SYT16: variants seen among roughly 807,000 people sequenced by gnomAD.
SYT16 encodes synaptotagmin 16.
Under a neutral mutation model 61.4 loss-of-function variants are expected in SYT16, and 42 were observed. The observed-to-expected ratio is 0.68, with a 90% CI of 0.53 to 0.89. The LOEUF is 0.89. SYT16 is among the 40% of genes least tolerant of loss of function. The pLI is 0.00. For missense variants in SYT16, 804 were observed against 807.3 expected, an observed-to-expected ratio of 1.00 and a Z score of 0.05; for synonymous variants, 314 against 302.3, an observed-to-expected ratio of 1.04 and a Z score of -0.40.
rs7156958 is a variant in SYT16, at chr14:61,856,849, G to A, written c.-325+44039G>A. ...CATGTGGCCAAGGACCCAGAGTTTA[G>A]GGAGGAAGACCTAGCAGGGATGAGA... On this transcript the variant is annotated intron_variant, in intron 1 of 7. Coordinates refer to ENST00000683842, the MANE Select transcript of SYT16 (RefSeq NM_001367656.1). Among the ~76,000 whole-genome samples, 1,302 of 152,232 alleles carry A rather than the reference G, an allele frequency of 8.6e-3. 24 individuals are homozygous for A. The highest frequency in any genetic ancestry group is 0.029 in the African/African-American group (1,219 of 41,506).
rs147358908 is a variant in SYT16, at chr14:61,954,641, T to C, written c.-324-15491T>C. 3.9e-5 allele frequency among the ~76,000 whole-genome samples: 6 copies of C among 152,322 alleles called. No individual in the cohort carries two copies. In the East Asian group the frequency reaches 1.2e-3, roughly 29 times the overall value. Reference sequence around the variant, plus strand: ...CCCTTGTCATCTATAGCAGATGATATATATACTGCTTTTCTTCACTATAGC... The same window carrying C: ...CCCTTGTCATCTATAGCAGATGATACATATACTGCTTTTCTTCACTATAGC... On this transcript the variant is annotated intron_variant, in intron 1 of 7. Coordinates refer to ENST00000683842, the MANE Select transcript of SYT16 (RefSeq NM_001367656.1).
intron 1 of SYT16, among the ~76,000 whole-genome samples, chr14:61,846,218 G>T (rs2046442376): frequency 6.6e-6 from 1 of 152,184 alleles, no homozygotes; most frequent in African/African-American, 2.4e-5. Context: ...TTTCTGTCTG[G>T]AAGATCTGTC....
In SYT16 at chr14:62,084,365, TCG is replaced by T; in HGVS notation, c.1606_1607del (p.Ala536CysfsTer2). ...ATCAAAGGCAGCCATTTCCGAAACC[TCG>T]CTGTTAACCGAGCACCTGGTAAGTG... On this transcript the variant is annotated frameshift_variant, in exon 7 of 8. Coordinates refer to ENST00000683842, the MANE Select transcript of SYT16 (RefSeq NM_001367656.1). LOFTEE classifies it high-confidence loss of function. The T allele has an allele frequency of 6.2e-7, 1 of 1,612,382 alleles. No individual in the cohort carries two copies. The highest frequency in any genetic ancestry group is 8.5e-7 in the Non-Finnish European group (1 of 1,179,712).
At chr14:61,868,239 C>T (rs1185036229) in intron 1 of SYT16, among the ~76,000 whole-genome samples, 1 of 151,688 alleles carries the variant, frequency 6.6e-6, no homozygotes, top group Middle Eastern at 3.2e-3. Context: ...TTTTTTTAAT[C>T]TTAATCAGTG....
chr14:61,992,460 T>C (rs1032978484), intron 2 of SYT16, among the ~76,000 whole-genome samples: 1 of 152,110 alleles, frequency 6.6e-6, no homozygotes, highest in Non-Finnish European at 1.5e-5. Flanking sequence ...GCTGTTGTCC[T>C]GAAATTAGTT....
chr14:61,992,865 A>C (rs1419974238), intron 2 of SYT16, among the ~76,000 whole-genome samples: 3 of 152,176 alleles, frequency 2.0e-5, no homozygotes, highest in Non-Finnish European at 4.4e-5. Context: ...AACATAAATG[A>C]GTAGTGATTT....
intron 1 of SYT16, among the ~76,000 whole-genome samples, chr14:61,955,634 G>A (rs1188274269): frequency 6.6e-6 from 1 of 151,610 alleles, no homozygotes; most frequent in Non-Finnish European, 1.5e-5. Flanking sequence ...TTTTTTTTAA[G>A]GCTGAATAAT....
intron 3 of SYT16, among the ~76,000 whole-genome samples, chr14:62,006,305 T>C (rs147359270): frequency 1.1e-3 from 166 of 152,278 alleles, no homozygotes; most frequent in African/African-American, 3.9e-3. Context: ...TGGGCTGCTT[T>C]GCAGTCTGTT....
In SYT16 at chr14:62,103,844, CAT is replaced by C. The variant is rs1195077893; in HGVS notation, c.*3139_*3140del. On this transcript the variant is annotated 3_prime_UTR_variant, in exon 8 of 8. Transcript: ENST00000683842. ...TGAGAGGGAAAAGAGTATGGCATTGCATAGTCATTCGCTTTAGGCACTATTAA... is the reference window on the plus strand; with the variant it reads ...TGAGAGGGAAAAGAGTATGGCATTGCAGTCATTCGCTTTAGGCACTATTAA... 1.3e-5 allele frequency: 2 copies of C among 152,218 alleles called. No homozygotes were observed. Among genetic ancestry groups the C allele is most frequent in the African/African-American group, 4.8e-5 (2 of 41,450 alleles). The allele number at this position is 152,218 out of a possible 1,614,324, so 9.4% of individuals were successfully genotyped here.
chr14:62,023,172 G>T (rs945080757), intron 3 of SYT16, among the ~76,000 whole-genome samples: 3 of 152,056 alleles, frequency 2.0e-5, no homozygotes, highest in African/African-American at 4.8e-5. Context: ...TTCCCTGCTG[G>T]CTGGGAGCTG....
At chr14:62,053,540 T>C (rs1449725977) in intron 3 of SYT16, among the ~76,000 whole-genome samples, 1 of 152,240 alleles carries the variant, frequency 6.6e-6, no homozygotes, top group African/African-American at 2.4e-5. Context: ...TTATATCCTA[T>C]TGATTCTATT....
intron 3 of SYT16, among the ~76,000 whole-genome samples, chr14:62,030,026 A>G (rs999589259): frequency 5.3e-5 from 8 of 152,154 alleles, no homozygotes; most frequent in African/African-American, 1.9e-4. Context: ...AGATTTTAAC[A>G]GCAGCTGGTA....
chr14:62,003,142 CA>C (rs2053088195), intron 3 of SYT16, among the ~76,000 whole-genome samples: 1 of 152,008 alleles, frequency 6.6e-6, no homozygotes, highest in South Asian at 2.1e-4. Context: ...TACCCTTCCC[CA>C]AGTGGCCTAA....
chr14:61,971,670 T>C (rs1003176140), intron 2 of SYT16, among the ~76,000 whole-genome samples: 5 of 152,202 alleles, frequency 3.3e-5, no homozygotes, highest in African/African-American at 1.2e-4. Context: ...AGGGGAAGAG[T>C]ATCAAAGAGT....
At chr14:61,859,529 C>G (rs911536006) in intron 1 of SYT16, among the ~76,000 whole-genome samples, 3 of 151,988 alleles carry the variant, frequency 2.0e-5, no homozygotes, top group Non-Finnish European at 4.4e-5. Flanking sequence ...AAACCCCTCT[C>G]TCTCTCGACA....
At chr14:62,019,773 C>T (rs2053842101) in intron 3 of SYT16, among the ~76,000 whole-genome samples, 1 of 152,162 alleles carries the variant, frequency 6.6e-6, no homozygotes, top group South Asian at 2.1e-4. Flanking sequence ...CTGTTCCACC[C>T]TATGAGGTGT....
chr14:61,956,917 A>G (rs1463945134), intron 1 of SYT16, among the ~76,000 whole-genome samples: 1 of 151,802 alleles, frequency 6.6e-6, no homozygotes, highest in Non-Finnish European at 1.5e-5. Context: ...TAAAATAGAC[A>G]ATATTTATTA....
chr14:61,924,438 C>T (rs1230994418), intron 1 of SYT16, among the ~76,000 whole-genome samples: 5 of 152,176 alleles, frequency 3.3e-5, no homozygotes, highest in South Asian at 2.1e-4. Context: ...GTGTTTGTAG[C>T]AGCAGCAGCA....
chr14:61,864,695 C>G (rs757647773), intron 1 of SYT16, among the ~76,000 whole-genome samples: 1 of 152,276 alleles, frequency 6.6e-6, no homozygotes, highest in Non-Finnish European at 1.5e-5. Context: ...AGACCCGCTC[C>G]GCCGATATGA....
Sources: allele counts gnomAD v4.1 joint callset (sites outside exome capture counted in the v4.1 genomes callset), GRCh38; gene constraint gnomAD v4.1.1; transcripts MANE v1.5; gene names NCBI Gene and HGNC (gene_info 2026-07-23, HGNC 2026-07-21).